ADAM12: variants seen among roughly 807,000 people sequenced by gnomAD.
ADAM12 encodes the protein disintegrin and metalloproteinase domain-containing protein 12.
ADAM12 carries 70 observed loss-of-function variants against 106.4 expected under a neutral mutation model. That is an observed-to-expected ratio of 0.66 (90% CI 0.54 to 0.80). The LOEUF is 0.80. Among genes scored for constraint, ADAM12 ranks in the 30% least tolerant of loss-of-function variants. The probability of loss-of-function intolerance (pLI) is 0.00; values close to 1 mark genes in which losing one functional copy is unlikely to be tolerated. For missense variants in ADAM12, 1,010 were observed against 1,171.9 expected (o/e 0.86, Z 2.02); for synonymous variants, 420 against 433.5 (o/e 0.97, Z 0.39).
chr10:126,167,999 A>G (rs1254849468), intron 3 of ADAM12, among the ~76,000 whole-genome samples: 1 of 152,250 alleles, frequency 6.6e-6, no homozygotes, highest in African/African-American at 2.4e-5. Flanking sequence ...CCTTGGTCAC[A>G]TGCATGTTGG....
chr10:126,208,086 T>G (rs1957830674), intron 3 of ADAM12, among the ~76,000 whole-genome samples: 1 of 152,224 alleles, frequency 6.6e-6, no homozygotes, highest in Non-Finnish European at 1.5e-5. Flanking sequence ...GGATTTATGC[T>G]GCTCTGATAA....
At position 126,021,691 on chromosome 10, in the gene ADAM12, C is replaced by A. The variant is rs927865101; in HGVS notation, c.2530-1866G>T. ...ATTCAACCAGTTCCACATACACACACAGTATCCTCACTGGTGGAGCAGGGA... is the reference window on the plus strand; with the variant it reads ...ATTCAACCAGTTCCACATACACACAAAGTATCCTCACTGGTGGAGCAGGGA... On this transcript the variant is annotated intron_variant, in intron 21 of 22. Coordinates refer to ENST00000448723, the MANE Select transcript of ADAM12 (RefSeq NM_001288973.2). Among the ~76,000 whole-genome samples the A allele has an allele frequency of 4.6e-5, 7 of 152,228 alleles. No homozygotes were observed. The South Asian group carries it at 1.0e-3, about 23-fold the overall frequency.
chr10:126,107,554 C>A (rs567463808), intron 8 of ADAM12, among the ~76,000 whole-genome samples: 17 of 152,304 alleles, frequency 1.1e-4, no homozygotes, highest in Admixed American at 4.6e-4. Flanking sequence ...GAGTGAGGCA[C>A]CCTCACAAAC....
intron 21 of ADAM12, among the ~76,000 whole-genome samples, chr10:126,033,256 T>G (rs1198423292): frequency 6.6e-6 from 1 of 152,180 alleles, no homozygotes; most frequent in Non-Finnish European, 1.5e-5. Flanking sequence ...ATCAGAATTT[T>G]TTTTTAAAAG....
chr10:126,161,469 G>A (rs1213245976), intron 3 of ADAM12, among the ~76,000 whole-genome samples: 2 of 152,332 alleles, frequency 1.3e-5, no homozygotes, highest in Non-Finnish European at 2.9e-5. Flanking sequence ...GGATGGTCAA[G>A]CAATATTGAC....
At chr10:126,199,512 C>T (rs1164967515) in intron 3 of ADAM12, among the ~76,000 whole-genome samples, 1 of 152,148 alleles carries the variant, frequency 6.6e-6, no homozygotes, top group Non-Finnish European at 1.5e-5. Flanking sequence ...ACCGCAGAAA[C>T]GCTCCCATAA....
intron 1 of ADAM12, among the ~76,000 whole-genome samples, chr10:126,387,551 C>T (rs1856708291): frequency 6.6e-6 from 1 of 152,168 alleles, no homozygotes; most frequent in South Asian, 2.1e-4. Context: ...TGGAGAGCAG[C>T]AGGCACACCT....
intron 2 of ADAM12, among the ~76,000 whole-genome samples, chr10:126,318,275 T>C (rs1283684906): frequency 1.3e-5 from 2 of 150,860 alleles, no homozygotes; most frequent in Non-Finnish European, 3.0e-5. Flanking sequence ...CCCATACACT[T>C]TCACACACTC....
In ADAM12 at chr10:126,222,766, T is replaced by G. The variant is rs181433238; in HGVS notation, c.260+56149A>C. Among the ~76,000 whole-genome samples the G allele has an allele frequency of 3.3e-4, 51 of 152,314 alleles. No individual in the cohort carries two copies. In the East Asian group the frequency reaches 9.5e-3, roughly 28 times the overall value. On this transcript the variant is annotated intron_variant, in intron 3 of 22. Transcript: ENST00000448723. ...GTGATAGCAGAGGCTGCTGAGAATCTGCAATTTCACACTTTTATAGATCCA... is the reference window on the plus strand; with the variant it reads ...GTGATAGCAGAGGCTGCTGAGAATCGGCAATTTCACACTTTTATAGATCCA...
chr10:126,193,050 G>A (rs909081700), intron 3 of ADAM12, among the ~76,000 whole-genome samples: 1 of 152,130 alleles, frequency 6.6e-6, no homozygotes, highest in South Asian at 2.1e-4. Context: ...TGGATCACAA[G>A]GTCAGGAGAT....
At chr10:126,166,286 G>C (rs2133752620) in intron 3 of ADAM12, among the ~76,000 whole-genome samples, 1 of 152,246 alleles carries the variant, frequency 6.6e-6, no homozygotes, top group South Asian at 2.1e-4. Context: ...AGACTCAGTG[G>C]AGGTCTCTAT....
chr10:126,369,192 A>G (rs1856021324), intron 1 of ADAM12, among the ~76,000 whole-genome samples: 1 of 152,188 alleles, frequency 6.6e-6, no homozygotes, highest in Non-Finnish European at 1.5e-5. Context: ...CAAAAAATTT[A>G]AGAGTAGAGC....
At chr10:126,276,410 G>A (rs1372018010) in intron 3 of ADAM12, among the ~76,000 whole-genome samples, 1 of 152,108 alleles carries the variant, frequency 6.6e-6, no homozygotes, top group African/African-American at 2.4e-5. Context: ...ATTGCCTTTG[G>A]TGTCTAACAG....
intron 6 of ADAM12, 92 bp downstream of exon 6, chr10:126,117,946 G>C: frequency 2.1e-6 from 3 of 1,444,226 alleles, no homozygotes; most frequent in Non-Finnish European, 2.9e-6. Flanking sequence ...GCATCATCTA[G>C]ATGGCAACAT....
intron 3 of ADAM12, among the ~76,000 whole-genome samples, chr10:126,180,239 A>G (rs962138417): frequency 6.6e-6 from 1 of 152,224 alleles, no homozygotes; most frequent in African/African-American, 2.4e-5. Flanking sequence ...TCCGCTTAGT[A>G]ACCAGCCGGA....
intron 3 of ADAM12, among the ~76,000 whole-genome samples, chr10:126,252,393 G>T (rs1347947183): frequency 6.6e-6 from 1 of 152,192 alleles, no homozygotes; most frequent in Non-Finnish European, 1.5e-5. Context: ...CTGTCTGCAA[G>T]CTGGAAAACT....
At chr10:126,098,134 C>T (rs1206071273) in intron 10 of ADAM12, among the ~76,000 whole-genome samples, 6 of 152,198 alleles carry the variant, frequency 3.9e-5, no homozygotes, top group African/African-American at 1.4e-4. Flanking sequence ...CGAGGAATTC[C>T]TGGTTTGGAA....
At chr10:126,165,312 C>T (rs555912414) in intron 3 of ADAM12, among the ~76,000 whole-genome samples, 248 of 152,316 alleles carry the variant, frequency 1.6e-3, no homozygotes, top group Non-Finnish European at 3.2e-3. Context: ...GGATTACAGG[C>T]ACACACCATT....
chr10:126,206,854 TGG>T (rs145374984), intron 3 of ADAM12, among the ~76,000 whole-genome samples: 13 of 81,848 alleles, frequency 1.6e-4, no homozygotes, highest in African/African-American at 4.9e-4. Context: ...CCATGTGTTG[TGG>T]GGGCGGGGGG....
Sources: gnomAD v4.1 joint callset for allele counts (sites outside exome capture counted in the v4.1 genomes callset) on GRCh38, gnomAD v4.1.1 for gene constraint, MANE v1.5 for transcripts, NCBI Gene and HGNC (gene_info 2026-07-23, HGNC 2026-07-21) for gene names.